The following DISC1 variants were observed in gnomAD, a reference collection of about 807,000 sequenced individuals.
DISC1 encodes disrupted in schizophrenia 1 protein.
In DISC1, 57 loss-of-function variants were observed where a neutral mutation model predicts 84.5. That is an observed-to-expected ratio of 0.67 (90% CI 0.55 to 0.84). The LOEUF (loss-of-function observed/expected upper bound fraction) is 0.84, where lower values mean the gene tolerates loss of function less well. Ranked by LOEUF, DISC1 falls within the 40% of genes least tolerant of loss-of-function variation. The pLI, the probability that DISC1 is intolerant of heterozygous loss-of-function variation, is 0.00. For missense variants in DISC1, 1,000 were observed against 1,057.8 expected, an observed-to-expected ratio of 0.95 and a Z score of 0.76; for synonymous variants, 411 against 415.2, an observed-to-expected ratio of 0.99 and a Z score of 0.12.
intron 9 of DISC1, among the ~76,000 whole-genome samples, chr1:231,881,340 T>C (rs1490584289): frequency 6.6e-6 from 1 of 152,202 alleles, no homozygotes; most frequent in African/African-American, 2.4e-5. Flanking sequence ...GATGGCAAGA[T>C]TGCAGAGCTC....
intron 10 of DISC1, among the ~76,000 whole-genome samples, chr1:231,969,355 GA>G (rs1661593082): frequency 6.6e-6 from 1 of 152,028 alleles, no homozygotes; most frequent in Admixed American, 6.6e-5. Context: ...AGGGATCCTA[GA>G]GCACACTGCT....
intron 10 of DISC1, among the ~76,000 whole-genome samples, chr1:232,000,087 A>T (rs886695952): frequency 6.6e-5 from 10 of 152,216 alleles, no homozygotes; most frequent in Admixed American, 6.5e-4. Context: ...AACAAAAACC[A>T]AGGATATCAC....
At chr1:231,723,253 A>G (rs2070120867) in intron 3 of DISC1, 1 of 960,328 alleles carries the variant, frequency 1.0e-6, no homozygotes, top group African/African-American at 1.8e-5. Flanking sequence ...TATTGAAAAA[A>G]AAGTCTGCCT....
chr1:231,669,501 A>G (rs573279381), intron 1 of DISC1, among the ~76,000 whole-genome samples: 1 of 152,306 alleles, frequency 6.6e-6, no homozygotes, highest in South Asian at 2.1e-4. Flanking sequence ...TCCAGCATCT[A>G]TAGGGAACTT....
At chr1:231,914,433 G>T (rs1324811254) in intron 9 of DISC1, among the ~76,000 whole-genome samples, 2 of 152,128 alleles carry the variant, frequency 1.3e-5, no homozygotes, top group African/African-American at 4.8e-5. Flanking sequence ...AATATCTATT[G>T]GGTGGTTAAC....
chr1:231,871,399 C>A (rs1463314217), intron 9 of DISC1, among the ~76,000 whole-genome samples: 1 of 152,184 alleles, frequency 6.6e-6, no homozygotes, highest in South Asian at 2.1e-4. Context: ...ATTATCCTTA[C>A]TTTAATTAAT....
At chr1:231,629,296 A>G (rs1283322755) in intron 1 of DISC1, 4 of 152,694 alleles carry the variant, frequency 2.6e-5, no homozygotes, top group Non-Finnish European at 5.9e-5. Flanking sequence ...CAGAACCCTT[A>G]GGATAGCACA....
chr1:231,904,672 G>C (rs190249469), intron 9 of DISC1, among the ~76,000 whole-genome samples: 41 of 152,080 alleles, frequency 2.7e-4, no homozygotes, highest in African/African-American at 9.2e-4. Flanking sequence ...CAAGAACAAT[G>C]AACACCCCTA....
intron 10 of DISC1, among the ~76,000 whole-genome samples, chr1:231,976,485 C>T (rs2102848817): frequency 6.6e-6 from 1 of 152,262 alleles, no homozygotes; most frequent in Non-Finnish European, 1.5e-5. Context: ...AAAGGAAGAT[C>T]TCTTTCCAGT....
Position 232,008,809 on chromosome 1 carries a change from A to G in DISC1, c.2067A>G (p.Lys689=). 1.3e-6 allele frequency: 2 copies of G among 1,585,380 alleles called. No individual in the cohort carries two copies. The highest frequency in any genetic ancestry group is 2.3e-5 in the South Asian group (2 of 85,924). ...GCTGCAAGTGTCCACTGCTTGGGAA[A>G]GTGTGGGAAGCTGACTTGGAAGCTT... is the stretch of plus-strand genomic sequence containing the variant. ...LCSCKCPLLG[K]VWEADLEACR... The change falls in exon 11 of 13, where the codon AAA becomes AAG. Residue 689 remains lysine (K), a synonymous_variant. Transcript: ENST00000439617.
intron 10 of DISC1, among the ~76,000 whole-genome samples, chr1:231,988,145 C>T (rs1038882374): frequency 2.0e-5 from 3 of 152,130 alleles, no homozygotes; most frequent in Admixed American, 2.0e-4. Context: ...GAGATCGCGC[C>T]ACTGCACTCC....
At chr1:231,719,093 C>T (rs2069212079) in intron 3 of DISC1, among the ~76,000 whole-genome samples, 1 of 152,162 alleles carries the variant, frequency 6.6e-6, no homozygotes, top group Admixed American at 6.5e-5. Context: ...CCACTGCACT[C>T]CAGCCTGGGT....
At chr1:232,004,863 CCCTG>C (rs368515808) in intron 10 of DISC1, among the ~76,000 whole-genome samples, 32,012 of 125,426 alleles carry the variant, frequency 0.26, 4,493 homozygotes, top group African/African-American at 0.29. Context: ...CTCCCTCCCT[CCCTG>C]CCTCCCTCCC....
chr1:231,667,863 CTACTT>C (rs2062168285), intron 1 of DISC1, among the ~76,000 whole-genome samples: 1 of 151,916 alleles, frequency 6.6e-6, no homozygotes, highest in Non-Finnish European at 1.5e-5. Context: ...TTTTTCAAAA[CTACTT>C]TATTGAGGTC....
In DISC1 at chr1:232,008,975, C is replaced by T. The variant is rs377170152; in HGVS notation, c.2233C>T (p.Pro745Ser). Residue 745 changes from proline to serine, a missense_variant, in exon 11 of 13, where the codon CCT becomes TCT. This residue lies in a region of DISC1 where 397 missense variants were observed against 377.5 expected (regional missense o/e 1.05). Coordinates refer to ENST00000439617, the MANE Select transcript of DISC1 (RefSeq NM_018662.3). ...CCACTCCGAGGATAAAAGGAAGACC[C>T]CTTTGAAGGTATTGGAAGAATGGAA... Reference protein sequence around the residue: ...RLHSEDKRKTPLKVLEEWKTH... With the variant: ...RLHSEDKRKTSLKVLEEWKTH... The T allele has an allele frequency of 1.2e-6, 2 of 1,613,792 alleles. No homozygotes were observed. The highest frequency in any genetic ancestry group is 1.7e-5 in the Admixed American group (1 of 59,984).
intron 3 of DISC1, among the ~76,000 whole-genome samples, chr1:231,735,444 GATAGA>G (rs2072355307): frequency 6.6e-6 from 1 of 152,176 alleles, no homozygotes; most frequent in Admixed American, 6.5e-5. Flanking sequence ...AAAATGAATT[GATAGA>G]ATAGTTTGCA....
intron 1 of DISC1, among the ~76,000 whole-genome samples, chr1:231,690,880 G>T (rs201876437): frequency 2.0e-5 from 3 of 152,184 alleles, no homozygotes; most frequent in Non-Finnish European, 4.4e-5. Flanking sequence ...GGGAAGGCCA[G>T]TGGCCAGGGG....
chr1:231,719,876 C>T (rs2069383738), intron 3 of DISC1, among the ~76,000 whole-genome samples: 4 of 152,156 alleles, frequency 2.6e-5, no homozygotes. Flanking sequence ...AGTAGACAAA[C>T]AAAGTTATTT....
intron 3 of DISC1, chr1:231,720,742 A>C: frequency 1.2e-6 from 1 of 868,978 alleles, no homozygotes; most frequent in Non-Finnish European, 1.6e-6. Context: ...TTTCTGCATG[A>C]GGGCTAAAAT....
Sources: allele counts gnomAD v4.1 joint callset (sites outside exome capture counted in the v4.1 genomes callset), GRCh38; gene constraint gnomAD v4.1.1; regional missense constraint gnomAD v4.1.1; transcripts MANE v1.5; gene names NCBI Gene and HGNC (gene_info 2026-07-23, HGNC 2026-07-21).